TPD52: variants seen among roughly 807,000 people sequenced by gnomAD.
TPD52 encodes the protein prostate and colon associated protein.
TPD52 carries 17 observed loss-of-function variants against 31.3 expected under a neutral mutation model. The ratio of observed to expected loss-of-function variants is 0.54; its 90% confidence interval spans 0.37 to 0.82. The LOEUF (loss-of-function observed/expected upper bound fraction) is 0.82. TPD52 is among the 40% of genes least tolerant of loss of function. The probability of loss-of-function intolerance (pLI) is 0.00; values close to 1 mark genes in which losing one functional copy is unlikely to be tolerated. For synonymous variants in TPD52, 83 were observed against 89.6 expected (o/e 0.93, Z 0.42); for missense variants, 212 against 240.1 (o/e 0.88, Z 0.77).
At chr8:80,032,510 C>A (rs1278109628), downstream of TPD52, among the ~76,000 whole-genome samples, 1 of 152,136 alleles carries the variant, frequency 6.6e-6, no homozygotes, top group African/African-American at 2.4e-5. Flanking sequence ...TTAGGGCCAG[C>A]CTGGGCAACA....
intron 1 of TPD52, among the ~76,000 whole-genome samples, chr8:80,087,750 TG>T: frequency 6.6e-6 from 1 of 152,290 alleles, no homozygotes; most frequent in East Asian, 1.9e-4. Flanking sequence ...TATCCCATGC[TG>T]GTCACATCTT....
downstream of TPD52, among the ~76,000 whole-genome samples, chr8:80,032,319 A>G (rs1308988819): frequency 1.3e-5 from 2 of 152,114 alleles, no homozygotes; most frequent in African/African-American, 4.8e-5. Flanking sequence ...TTGCCTATAC[A>G]AGTGCCAAGA....
chr8:80,133,217 G>T (rs1443601206), intron 1 of TPD52, among the ~76,000 whole-genome samples: 1 of 152,148 alleles, frequency 6.6e-6, no homozygotes, highest in Non-Finnish European at 1.5e-5. Context: ...GTCTAATAAT[G>T]TGTGTTCCCT....
chr8:80,128,028 A>G (rs1285193416), intron 1 of TPD52, among the ~76,000 whole-genome samples: 1 of 151,706 alleles, frequency 6.6e-6, no homozygotes, highest in Non-Finnish European at 1.5e-5. Context: ...ACAAGCAGCT[A>G]ATGAAAATTA....
intron 1 of TPD52, among the ~76,000 whole-genome samples, chr8:80,134,640 G>C (rs1199064635): frequency 1.3e-5 from 2 of 152,220 alleles, no homozygotes; most frequent in Non-Finnish European, 2.9e-5. Flanking sequence ...CCGAGAGAGA[G>C]TGTGTCATGA....
At chr8:80,154,098 A>G (rs1810761388) in intron 1 of TPD52, among the ~76,000 whole-genome samples, 1 of 152,224 alleles carries the variant, frequency 6.6e-6, no homozygotes, top group Admixed American at 6.5e-5. Context: ...TGTTCACTGC[A>G]CAAAATAAGG....
intron 2 of TPD52, among the ~76,000 whole-genome samples, chr8:80,056,633 T>A (rs7818236): frequency 0.52 from 79,100 of 151,964 alleles, 22,262 homozygotes; most frequent in East Asian, 0.7. Context: ...ATTTGAGAAA[T>A]GCAAATCAAA....
intron 1 of TPD52, among the ~76,000 whole-genome samples, chr8:80,156,284 C>T (rs1810968681): frequency 6.6e-6 from 1 of 152,196 alleles, no homozygotes; most frequent in African/African-American, 2.4e-5. Flanking sequence ...AGGCTTCTTA[C>T]ATGTTCGCTC....
intron 3 of TPD52, among the ~76,000 whole-genome samples, chr8:80,052,318 G>GACA (rs564411866): frequency 2.5e-4 from 38 of 152,124 alleles, no homozygotes; most frequent in Admixed American, 2.0e-3. Context: ...AAAAAATGAT[G>GACA]ACAACAACAA....
chr8:80,096,176 AGCCCAG>A (rs577478217), intron 1 of TPD52, among the ~76,000 whole-genome samples: 245 of 152,286 alleles, frequency 1.6e-3, no homozygotes, highest in Non-Finnish European at 3.1e-3. Flanking sequence ...GGATTGTTTA[AGCCCAG>A]GTGGTCAAGG....
chr8:80,073,886 A>G (rs908210540), intron 1 of TPD52, among the ~76,000 whole-genome samples: 2 of 152,202 alleles, frequency 1.3e-5, no homozygotes, highest in African/African-American at 4.8e-5. Context: ...CTACCTTCAT[A>G]TTACAGGAAA....
At chr8:80,170,429 A>C (rs1812002912) in intron 1 of TPD52, among the ~76,000 whole-genome samples, 2 of 149,772 alleles carry the variant, frequency 1.3e-5, no homozygotes, top group African/African-American at 2.4e-5. Context: ...AACAAAAAAA[A>C]CACCAGAGTC....
At chr8:80,118,152 C>T (rs934580667) in intron 1 of TPD52, among the ~76,000 whole-genome samples, 2 of 152,126 alleles carry the variant, frequency 1.3e-5, no homozygotes, top group African/African-American at 4.8e-5. Flanking sequence ...CGGAAATAGA[C>T]ATTCACAGTT....
At chr8:80,081,643 G>A (rs1049401313) in intron 1 of TPD52, among the ~76,000 whole-genome samples, 1 of 150,870 alleles carries the variant, frequency 6.6e-6, no homozygotes, top group Non-Finnish European at 1.5e-5. Context: ...TATATTTTAA[G>A]CATTAAAAAC....
chr8:80,111,792 T>C (rs1240101303), intron 1 of TPD52, among the ~76,000 whole-genome samples: 3 of 152,336 alleles, frequency 2.0e-5, no homozygotes, highest in African/African-American at 7.2e-5. Flanking sequence ...CAATGACAAC[T>C]GCACAGCTCA....
At chr8:80,086,101 CT>C (rs762805549) in intron 1 of TPD52, among the ~76,000 whole-genome samples, 61 of 112,656 alleles carry the variant, frequency 5.4e-4, no homozygotes, top group Middle Eastern at 4.8e-3. Context: ...GGTTTTTTTG[CT>C]TTTTTTTTTT....
rs1810633613 is a variant in TPD52 at position 80,044,270 on chromosome 8, TA to T, written c.414-63del. Reference sequence around the variant, plus strand: ...TAGTATAGTGGTGCTTCAACATTATTAAAAGCTGACAAAACTTAGCTCCCCA... The same window carrying T: ...TAGTATAGTGGTGCTTCAACATTATTAAAGCTGACAAAACTTAGCTCCCCA... On this transcript the variant is annotated intron_variant, in intron 5 of 7. Coordinates refer to ENST00000518937, the MANE Select transcript of TPD52 (RefSeq NM_001025253.3). 86 of 1,365,354 alleles carry T rather than the reference TA, an allele frequency of 6.3e-5. No homozygotes were observed. The South Asian group carries it at 1.1e-3, about 18-fold the overall frequency. 84.6% of individuals were successfully genotyped at this position (1,365,354 alleles called of 1,614,324 possible). A position where few individuals can be genotyped will look rare whatever the true frequency, so the allele number is the denominator to read the frequency against.
At chr8:80,129,481 C>T (rs1440143843) in intron 1 of TPD52, among the ~76,000 whole-genome samples, 3 of 152,070 alleles carry the variant, frequency 2.0e-5, no homozygotes, top group Non-Finnish European at 4.4e-5. Context: ...GAATGCTGGC[C>T]GGATAGCAAC....
intron 1 of TPD52, among the ~76,000 whole-genome samples, chr8:80,066,008 A>G (rs1813105455): frequency 6.7e-6 from 1 of 149,020 alleles, no homozygotes; most frequent in Admixed American, 6.8e-5. Flanking sequence ...GCCAGTGAGC[A>G]TCACAGCCAC....
Sources: allele counts gnomAD v4.1 joint callset (sites outside exome capture counted in the v4.1 genomes callset), GRCh38; gene constraint gnomAD v4.1.1; transcripts MANE v1.5; gene names NCBI Gene and HGNC (gene_info 2026-07-23, HGNC 2026-07-21).